EEIG1: variants seen among roughly 807,000 people sequenced by gnomAD.
EEIG1 encodes early estrogen-induced gene 1 protein.
the EEIG1 span, chr9:127,948,095 C>A: frequency 5.6e-6 from 9 of 1,612,324 alleles, no homozygotes; most frequent in African/African-American, 2.7e-5. Flanking sequence ...GTGGGCCGAG[C>A]CTTGGGGGGC....
the EEIG1 span, among the ~76,000 whole-genome samples, chr9:127,976,774 G>A: frequency 6.6e-6 from 1 of 152,140 alleles, no homozygotes; most frequent in African/African-American, 2.4e-5. This position sits in a 1 kb window ranked among gnomAD's most constrained non-coding sequence, Gnocchi z 4.1. Flanking sequence ...TGCTGTAGGG[G>A]TGGGGCCTTG....
chr9:127,945,466 A>G, the EEIG1 span: 15 of 1,564,796 alleles, frequency 9.6e-6, no homozygotes, highest in Non-Finnish European at 1.3e-5. This position sits in a 1 kb window ranked among gnomAD's most constrained non-coding sequence, Gnocchi z 6.5. Context: ...CTCCACGGTC[A>G]TGCCAAGGCC....
chr9:127,949,866 G>A, the EEIG1 span, among the ~76,000 whole-genome samples: 1 of 152,206 alleles, frequency 6.6e-6, no homozygotes, highest in African/African-American at 2.4e-5. Context: ...TGGGGGTGGG[G>A]CTGCCCTGTC....
the EEIG1 span, among the ~76,000 whole-genome samples, chr9:127,973,622 C>T: frequency 1.3e-5 from 2 of 152,198 alleles, no homozygotes; most frequent in South Asian, 2.1e-4. This position sits in a 1 kb window ranked among gnomAD's most constrained non-coding sequence, Gnocchi z 4.2. Context: ...GGCACAGTCA[C>T]GGCAGCTTCA....
chr9:127,941,691 G>C, the EEIG1 span: 1 of 152,256 alleles, frequency 6.6e-6, no homozygotes, highest in South Asian at 2.1e-4. Context: ...CTCCCAGCCT[G>C]GGGAGGGCAC....
At chr9:127,947,909 C>T in the EEIG1 span, among the ~76,000 whole-genome samples, 8 of 152,178 alleles carry the variant, frequency 5.3e-5, no homozygotes, top group African/African-American at 9.7e-5. Context: ...ACAGCCAGCA[C>T]GCACAAGGTG....
chr9:127,944,489 A>G, the EEIG1 span: 1 of 698,594 alleles, frequency 1.4e-6, no homozygotes, highest in Non-Finnish European at 2.5e-6. Flanking sequence ...CAGAGACATG[A>G]CAGGCCCAGG....
the EEIG1 span, among the ~76,000 whole-genome samples, chr9:127,946,844 G>A: frequency 7.2e-5 from 11 of 152,214 alleles, no homozygotes; most frequent in Non-Finnish European, 7.3e-5. Flanking sequence ...CATCTGCTGG[G>A]CCACATGAGG....
At chr9:127,947,204 G>A in the EEIG1 span, among the ~76,000 whole-genome samples, 38 of 147,846 alleles carry the variant, frequency 2.6e-4, no homozygotes, top group African/African-American at 9.5e-4. Context: ...TCAGGAGACT[G>A]AGACCATCCT....
the EEIG1 span, among the ~76,000 whole-genome samples, chr9:127,949,739 T>C: frequency 2.0e-5 from 3 of 152,228 alleles, no homozygotes; most frequent in East Asian, 5.8e-4. Flanking sequence ...GCAGAGGCGC[T>C]GTTAGGACAG....
the EEIG1 span, chr9:127,944,349 C>T: frequency 3.4e-6 from 2 of 584,848 alleles, no homozygotes; most frequent in Non-Finnish European, 6.1e-6. Flanking sequence ...CTGAGCCCTG[C>T]ACCAGGCATT....
At chr9:127,977,496 C>T in the EEIG1 span, among the ~76,000 whole-genome samples, 160 of 152,304 alleles carry the variant, frequency 1.1e-3, no homozygotes, top group African/African-American at 3.7e-3. Flanking sequence ...GGATCCAAGA[C>T]CCTGTCCCCA....
At chr9:127,943,385 G>GT in the EEIG1 span, 3 of 720,922 alleles carry the variant, frequency 4.2e-6, no homozygotes. Context: ...CCCAGCGATG[G>GT]TAAGTCCCTT....
chr9:127,968,746 A>G, the EEIG1 span, among the ~76,000 whole-genome samples: 1 of 152,152 alleles, frequency 6.6e-6, no homozygotes, highest in South Asian at 2.1e-4. Context: ...TCGCTCCGCC[A>G]AAGTCACTTT....
At chr9:127,957,362 C>T in the EEIG1 span, among the ~76,000 whole-genome samples, 213 of 152,226 alleles carry the variant, frequency 1.4e-3, 1 homozygote, top group African/African-American at 4.7e-3. Flanking sequence ...AGCAATTCCA[C>T]GTACAATAGC....
At chr9:127,969,924 G>T in the EEIG1 span, among the ~76,000 whole-genome samples, 3 of 152,174 alleles carry the variant, frequency 2.0e-5, no homozygotes, top group East Asian at 1.9e-4. Context: ...GGCATCTCGA[G>T]TCTTGTTTCT....
At chr9:127,942,888 G>A in the EEIG1 span, 8 of 458,110 alleles carry the variant, frequency 1.7e-5, no homozygotes, top group Admixed American at 1.0e-4. Flanking sequence ...CAGCAGCGCC[G>A]GTCCTTGCCA....
At chr9:127,950,806 GT>G in the EEIG1 span, 1 of 807,020 alleles carries the variant, frequency 1.2e-6, no homozygotes, top group Non-Finnish European at 1.7e-6. Flanking sequence ...ACCGGGGCCA[GT>G]GCGCCTGACA....
the EEIG1 span, chr9:127,945,725 C>T: frequency 6.3e-7 from 1 of 1,581,572 alleles, no homozygotes; most frequent in South Asian, 1.2e-5. The surrounding 1 kb of genome is among the most constrained non-coding windows in gnomAD (Gnocchi z 6.5). Flanking sequence ...CAGGGCTGGA[C>T]AGGTTCTGGT....
Sources: gnomAD v4.1 joint callset for allele counts (sites outside exome capture counted in the v4.1 genomes callset) on GRCh38, gnomAD v4.1.1 for gene constraint, Gnocchi (gnomAD v3.1) non-coding constraint, MANE v1.5 for transcripts, NCBI Gene and HGNC (gene_info 2026-07-23, HGNC 2026-07-21) for gene names.